RBFOX1: variants seen among roughly 807,000 people sequenced by gnomAD.
The protein encoded by RBFOX1 is RNA binding protein fox-1 homolog 1.
RBFOX1 carries 8 observed loss-of-function variants against 57.7 expected under a neutral mutation model. That is an observed-to-expected ratio of 0.14 (90% CI 0.08 to 0.25). RBFOX1 has a LOEUF of 0.25. Ranked by LOEUF, RBFOX1 falls within the 10% of genes least tolerant of loss-of-function variation. RBFOX1 has a pLI of 1.00. For synonymous variants in RBFOX1, 326 were observed against 222.4 expected, an observed-to-expected ratio of 1.47 and a Z score of -4.15; for missense variants, 611 against 548.5, an observed-to-expected ratio of 1.11 and a Z score of -1.14.
In RBFOX1 at chr16:7,477,630, A is replaced by G. The variant is rs568652112; in HGVS notation, c.28-40517A>G. Reference sequence around the variant, plus strand: ...TTCCTGGGACCCCCAAGCTGCTCTCACCTTATTACGATGGTAGTAACTACA... The same window carrying G: ...TTCCTGGGACCCCCAAGCTGCTCTCGCCTTATTACGATGGTAGTAACTACA... On this transcript the variant is annotated intron_variant, in intron 4 of 15. Transcript: ENST00000550418. 1.6e-4 allele frequency among the ~76,000 whole-genome samples: 24 copies of G among 152,150 alleles called. No homozygotes were observed. The South Asian group carries it at 3.9e-3, about 25-fold the overall frequency.
chr16:6,581,843 C>T (rs965219566), intron 2 of RBFOX1, among the ~76,000 whole-genome samples: 1 of 152,202 alleles, frequency 6.6e-6, no homozygotes, highest in African/African-American at 2.4e-5. Flanking sequence ...TCAAAGGATG[C>T]CACTGAGATT....
intron 1 of RBFOX1, among the ~76,000 whole-genome samples, chr16:5,244,494 C>G (rs551317795): frequency 6.6e-6 from 1 of 152,216 alleles, no homozygotes; most frequent in Admixed American, 6.5e-5. Flanking sequence ...GCAGAGCCGA[C>G]TCCCTGAGAT....
In RBFOX1 at chr16:6,691,208, C is replaced by A. The variant is rs116189724; in HGVS notation, c.-16+36558C>A. 2.8e-3 allele frequency among the ~76,000 whole-genome samples: 432 copies of A among 152,236 alleles called. 3 individuals are homozygous for A. The highest frequency in any genetic ancestry group is 9.9e-3 in the African/African-American group (413 of 41,542). ...AGCTGTGGGGGAGCTAGATGTCACT[C>A]CCATCAGAGGATGGTTTTCTGTCCC... On this transcript the variant is annotated intron_variant, in intron 3 of 15. Coordinates refer to ENST00000550418, the MANE Select transcript of RBFOX1 (RefSeq NM_018723.4).
At chr16:7,267,963 C>T (rs762156590) in intron 4 of RBFOX1, among the ~76,000 whole-genome samples, 1 of 152,172 alleles carries the variant, frequency 6.6e-6, no homozygotes, top group Admixed American at 6.5e-5. Flanking sequence ...AGAAACAAAT[C>T]GTTAGGCAAT....
intron 4 of RBFOX1, among the ~76,000 whole-genome samples, chr16:5,909,703 A>G (rs1359830448): frequency 6.6e-6 from 1 of 152,176 alleles, no homozygotes; most frequent in Non-Finnish European, 1.5e-5. Flanking sequence ...TGAGTGGCTG[A>G]TTCACCAAAC....
intron 4 of RBFOX1, among the ~76,000 whole-genome samples, chr16:5,877,225 A>AG: frequency 6.6e-6 from 1 of 152,338 alleles, no homozygotes; most frequent in South Asian, 2.1e-4. Context: ...ACTTCTTTGG[A>AG]GGGGTCACGC....
chr16:6,318,389 C>G (rs1224498800), intron 2 of RBFOX1, among the ~76,000 whole-genome samples: 1 of 152,140 alleles, frequency 6.6e-6, no homozygotes, highest in Non-Finnish European at 1.5e-5. Context: ...GGCATGAAGT[C>G]TGTTCAAATC....
At chr16:7,265,138 C>T (rs145131575) in intron 4 of RBFOX1, among the ~76,000 whole-genome samples, 19 of 152,238 alleles carry the variant, frequency 1.2e-4, no homozygotes, top group African/African-American at 4.3e-4. Context: ...GTTCTGCGCA[C>T]TAAGGGTGCA....
chr16:6,951,588 G>C (rs2080772408), intron 3 of RBFOX1, among the ~76,000 whole-genome samples: 1 of 152,072 alleles, frequency 6.6e-6, no homozygotes, highest in African/African-American at 2.4e-5. Context: ...CTTGTACCTT[G>C]TTCTCATCTC....
At chr16:6,658,870 A>C (rs916742632) in intron 3 of RBFOX1, among the ~76,000 whole-genome samples, 3 of 151,244 alleles carry the variant, frequency 2.0e-5, no homozygotes, top group Non-Finnish European at 4.4e-5. Context: ...GGGATGGTGG[A>C]GTTTTTCACC....
chr16:7,439,409 G>A (rs1301610908), intron 4 of RBFOX1, among the ~76,000 whole-genome samples: 1 of 151,706 alleles, frequency 6.6e-6, no homozygotes, highest in Non-Finnish European at 1.5e-5. Flanking sequence ...TCTGGGTGGA[G>A]GAAAAGGCAT....
At chr16:5,731,686 C>T (rs767930952) in intron 3 of RBFOX1, among the ~76,000 whole-genome samples, 1 of 152,154 alleles carries the variant, frequency 6.6e-6, no homozygotes, top group Admixed American at 6.5e-5. Context: ...GAAATCCCCC[C>T]TGGATGTCCA....
At chr16:6,861,234 G>C (rs1003604601) in intron 3 of RBFOX1, among the ~76,000 whole-genome samples, 38 of 152,160 alleles carry the variant, frequency 2.5e-4, no homozygotes, top group Admixed American at 1.1e-3. Flanking sequence ...GTATTTGCAT[G>C]CTGAGTTTTT....
intron 4 of RBFOX1, among the ~76,000 whole-genome samples, chr16:7,215,307 C>G (rs543897772): frequency 1.5e-4 from 23 of 152,286 alleles, no homozygotes; most frequent in African/African-American, 5.5e-4. Flanking sequence ...ACCCAGCCAT[C>G]CCATTACTGG....
At chr16:7,169,384 C>A (rs529478402) in intron 4 of RBFOX1, among the ~76,000 whole-genome samples, 1 of 152,132 alleles carries the variant, frequency 6.6e-6, no homozygotes, top group Admixed American at 6.6e-5. Context: ...TTGTTATGGG[C>A]CAGGGGTTGG....
At chr16:6,095,746 A>T (rs1207290510) in intron 1 of RBFOX1, among the ~76,000 whole-genome samples, 1 of 152,076 alleles carries the variant, frequency 6.6e-6, no homozygotes, top group Non-Finnish European at 1.5e-5. Flanking sequence ...GACAGCAGAG[A>T]AAGTCCAAAA....
intron 1 of RBFOX1, among the ~76,000 whole-genome samples, chr16:6,119,899 C>G (rs1015032203): frequency 1.3e-5 from 2 of 152,170 alleles, no homozygotes; most frequent in Admixed American, 1.3e-4. Flanking sequence ...TTTTATCACC[C>G]TAGAAGGAGA....
At chr16:7,680,555 C>T (rs186656481) in intron 14 of RBFOX1, among the ~76,000 whole-genome samples, 5 of 152,198 alleles carry the variant, frequency 3.3e-5, no homozygotes, top group African/African-American at 1.2e-4. Context: ...CTGATAGTTA[C>T]CAGGGGCCAT....
intron 4 of RBFOX1, among the ~76,000 whole-genome samples, chr16:7,460,391 G>GATATA (rs2059350839): frequency 1.4e-5 from 1 of 69,404 alleles, no homozygotes; most frequent in East Asian, 6.1e-4. Context: ...ATATATATAT[G>GATATA]TGTGTGTGTG....
Sources: allele counts gnomAD v4.1 joint callset (sites outside exome capture counted in the v4.1 genomes callset), GRCh38; gene constraint gnomAD v4.1.1; transcripts MANE v1.5; gene names NCBI Gene and HGNC (gene_info 2026-07-23, HGNC 2026-07-21).